Variants in ZNF331 observed in about 807,000 individuals in gnomAD.
ZNF331 encodes the protein zinc finger protein 331, also known as C2H2-like zinc finger protein rearranged in thyroid adenomas.
ZNF331 carries 2 observed loss-of-function variants against 7.0 expected under a neutral mutation model. The ratio of observed to expected loss-of-function variants is 0.29; its 90% CI spans 0.12 to 0.90. The LOEUF is 0.90. ZNF331 is among the 40% of genes least tolerant of loss of function. ZNF331 has a pLI of 0.58. For missense variants in ZNF331, 432 were observed against 587.7 expected (o/e 0.74, Z 2.74); for synonymous variants, 196 against 205.4 (o/e 0.95, Z 0.39).
rs574441761 is a variant in ZNF331, at chr19:53,539,877, T to A, written c.-138+595T>A. ...GAAATGGTTAAGTAATTATACCACG[T>A]TCATTTCATGGAATACTCTGCAGCT... On this transcript the variant is annotated intron_variant, in intron 2 of 5. Transcript: ENST00000449416. This position sits in a 1 kb window ranked among gnomAD's most constrained non-coding sequence, Gnocchi z 6.1. Among the ~76,000 whole-genome samples the A allele has an allele frequency of 6.6e-6, 1 of 152,324 alleles. No individual in the cohort carries two copies. Among genetic ancestry groups the A allele is most frequent in the East Asian group, 1.9e-4 (1 of 5,190 alleles).
chr19:53,506,020 A>T, the ZNF331 span, among the ~76,000 whole-genome samples: 5 of 151,558 alleles, frequency 3.3e-5, no homozygotes, highest in Non-Finnish European at 7.4e-5. Flanking sequence ...TGCAGCGCAG[A>T]CCATGGTCTG....
rs2090447905 is a variant in ZNF331, at chr19:53,571,584, CG to C, written c.10-19del. ...CTGTTTCCTTTCATTTCATCATGCA[CG>C]TGTGGGTTTCTGTTTCAGGGTTTGG... On this transcript the variant is annotated intron_variant, in intron 4 of 5. Transcript: ENST00000449416. This position sits in a 1 kb window ranked among gnomAD's most constrained non-coding sequence, Gnocchi z 4.7. 6.2e-7 allele frequency: 1 copy of C among 1,611,594 alleles called. No homozygotes were observed. Among genetic ancestry groups the C allele is most frequent in the African/African-American group, 1.3e-5 (1 of 74,838 alleles).
chr19:53,541,435 T>C (rs548743790), intron 2 of ZNF331, among the ~76,000 whole-genome samples: 5 of 152,052 alleles, frequency 3.3e-5, no homozygotes, highest in Non-Finnish European at 7.4e-5. Context: ...GTTTTTGTTT[T>C]GTTTTGTTTT....
At chr19:53,516,336 G>A (rs2086902834), upstream of ZNF331, among the ~76,000 whole-genome samples, 1 of 151,728 alleles carries the variant, frequency 6.6e-6, no homozygotes, top group Non-Finnish European at 1.5e-5. Flanking sequence ...TTTAATCCCA[G>A]CTACTCAGGA....
At chr19:53,536,773 C>T (rs1485588840), upstream of ZNF331, among the ~76,000 whole-genome samples, 2 of 152,158 alleles carry the variant, frequency 1.3e-5, no homozygotes, top group Non-Finnish European at 2.9e-5. Flanking sequence ...CGTGGTAGCG[C>T]ATGCCTGTCA....
intron 3 of ZNF331, among the ~76,000 whole-genome samples, chr19:53,559,953 C>G (rs1050777480): frequency 6.6e-6 from 1 of 150,948 alleles, no homozygotes; most frequent in Non-Finnish European, 1.5e-5. Context: ...ACACCACACA[C>G]ACACATATAC....
chr19:53,548,078 T>C (rs2088738229), intron 2 of ZNF331, among the ~76,000 whole-genome samples: 1 of 151,770 alleles, frequency 6.6e-6, no homozygotes. Context: ...TACAGGCACA[T>C]GCCATCATGC....
chr19:53,565,353 T>C (rs2090101045), intron 3 of ZNF331, among the ~76,000 whole-genome samples: 1 of 152,104 alleles, frequency 6.6e-6, no homozygotes, highest in African/African-American at 2.4e-5. Context: ...CCTTAGGTAA[T>C]TTTTTTCCTT....
At chr19:53,504,229 T>C in the ZNF331 span, 1 of 321,312 alleles carries the variant, frequency 3.1e-6, no homozygotes, top group Non-Finnish European at 6.1e-6. Context: ...GTCAGCCCCT[T>C]TCTTCTCATG....
At chr19:53,520,193 A>G (rs2087013949), upstream of ZNF331, among the ~76,000 whole-genome samples, 1 of 150,798 alleles carries the variant, frequency 6.6e-6, no homozygotes, top group Non-Finnish European at 1.5e-5. Flanking sequence ...GATTACAGGC[A>G]CACACCACCA....
At chr19:53,507,380 CA>C in the ZNF331 span, among the ~76,000 whole-genome samples, 2,542 of 152,190 alleles carry the variant, frequency 0.017, 32 homozygotes, top group Non-Finnish European at 0.023. Flanking sequence ...TGGGTTAGTC[CA>C]AACTCTACAA....
chr19:53,556,913 C>T (rs2089464719), intron 3 of ZNF331, among the ~76,000 whole-genome samples: 1 of 150,908 alleles, frequency 6.6e-6, no homozygotes, highest in Non-Finnish European at 1.5e-5. Context: ...TCAAGCAATC[C>T]TCCCACCTCA....
the ZNF331 span, among the ~76,000 whole-genome samples, chr19:53,506,459 T>C: frequency 1.5e-5 from 2 of 129,356 alleles, no homozygotes; most frequent in Admixed American, 7.9e-5. Flanking sequence ...TCTCTCTCTC[T>C]CTCTCTCTCT....
intron 2 of ZNF331, among the ~76,000 whole-genome samples, chr19:53,526,683 G>A (rs1354753256): frequency 6.6e-6 from 1 of 151,680 alleles, no homozygotes; most frequent in Non-Finnish European, 1.5e-5. Context: ...TTCCCGAGTA[G>A]CTGGGACTAC....
chr19:53,520,638 G>A (rs530614430), upstream of ZNF331, among the ~76,000 whole-genome samples: 2 of 152,344 alleles, frequency 1.3e-5, no homozygotes, highest in East Asian at 3.9e-4. Flanking sequence ...TCTGACGGCC[G>A]CGCTTCCAGC....
chr19:53,561,152 C>T (rs956359736), intron 3 of ZNF331, among the ~76,000 whole-genome samples: 2 of 151,986 alleles, frequency 1.3e-5, no homozygotes, highest in Non-Finnish European at 2.9e-5. Flanking sequence ...GAGACCCTGT[C>T]GCAAAATATA....
intron 2 of ZNF331, among the ~76,000 whole-genome samples, chr19:53,541,181 C>T (rs1255504680): frequency 6.7e-6 from 1 of 150,288 alleles, no homozygotes; most frequent in East Asian, 2.0e-4. Flanking sequence ...GATCTCAGCT[C>T]GCCGTAACCT....
chr19:53,520,464 A>C (rs2087024520), upstream of ZNF331, among the ~76,000 whole-genome samples: 1 of 152,162 alleles, frequency 6.6e-6, no homozygotes, highest in Non-Finnish European at 1.5e-5. Flanking sequence ...TTTTCCCAGG[A>C]ATTTTTTGTG....
chr19:53,540,193 A>C (rs1025160201), intron 2 of ZNF331, among the ~76,000 whole-genome samples: 1 of 152,184 alleles, frequency 6.6e-6, no homozygotes, highest in African/African-American at 2.4e-5. Flanking sequence ...TTCTTACCTT[A>C]GTCTGTAACA....
Sources: allele counts gnomAD v4.1 joint callset (sites outside exome capture counted in the v4.1 genomes callset), GRCh38; gene constraint gnomAD v4.1.1; non-coding constraint Gnocchi (gnomAD v3.1); transcripts MANE v1.5; gene names NCBI Gene and HGNC (gene_info 2026-07-23, HGNC 2026-07-21).